The following CACNA1C variants were observed in gnomAD, a reference collection of about 807,000 sequenced individuals.
CACNA1C encodes calcium voltage-gated channel subunit alpha1 C.
A neutral mutation model predicts 229.0 loss-of-function variants in CACNA1C; 30 were observed. That is an observed-to-expected ratio of 0.13 (90% confidence interval 0.10 to 0.18). CACNA1C has a LOEUF of 0.18. CACNA1C is among the 10% of genes least tolerant of loss of function. The probability of loss-of-function intolerance (pLI) is 1.00; values close to 1 mark genes in which losing one functional copy is unlikely to be tolerated. For synonymous variants in CACNA1C, 1,114 were observed against 1,132.5 expected, an observed-to-expected ratio of 0.98 and a Z score of 0.33; for missense variants, 1,658 against 2,845.0, an observed-to-expected ratio of 0.58 and a Z score of 9.49.
intron 3 of CACNA1C, among the ~76,000 whole-genome samples, chr12:2,138,491 C>T (rs2047302182): frequency 6.6e-6 from 1 of 151,084 alleles, no homozygotes; most frequent in South Asian, 2.1e-4. Context: ...TAGGGACGGG[C>T]CTTGTGGGAG....
At chr12:2,264,041 A>C (rs1446049629) in intron 3 of CACNA1C, among the ~76,000 whole-genome samples, 2 of 152,234 alleles carry the variant, frequency 1.3e-5, no homozygotes, top group African/African-American at 4.8e-5. Context: ...AGAGCAGCAG[A>C]GTAGCCTGGG....
intron 5 of CACNA1C, among the ~76,000 whole-genome samples, chr12:2,462,910 A>AT (rs147569410): frequency 0.24 from 29,586 of 120,962 alleles, 4,150 homozygotes; most frequent in Non-Finnish European, 0.29. Context: ...CAAAAGTTGC[A>AT]TTTTTTTTTT....
At chr12:2,256,071 T>TGACTAGTTTACAATCACA (rs1566709880) in intron 3 of CACNA1C, among the ~76,000 whole-genome samples, 2 of 152,252 alleles carry the variant, frequency 1.3e-5, no homozygotes, top group Admixed American at 6.5e-5. Context: ...GATCCTGACC[T>TGACTAGTTTACAATCACA]TACTAGTTTA....
At chr12:2,251,096 C>T (rs572197177) in intron 3 of CACNA1C, among the ~76,000 whole-genome samples, 1 of 152,324 alleles carries the variant, frequency 6.6e-6, no homozygotes, top group South Asian at 2.1e-4. Flanking sequence ...GGATGTGTGT[C>T]TGCTCATATG....
chr12:2,493,156 G>C lies in CACNA1C; in HGVS notation c.917-34G>C. 1 of 1,579,630 alleles carries C rather than the reference G, an allele frequency of 6.3e-7. No homozygotes were observed. The highest frequency in any genetic ancestry group is 8.7e-7 in the Non-Finnish European group (1 of 1,149,572). The stretch of plus-strand genomic sequence containing the variant: ...CTGCCCACATCTCTCCCTCCCTGCT[G>C]CTCCCGTCTCCTGTCTTCTTCTGGC... On this transcript the variant is annotated intron_variant, in intron 6 of 46. Coordinates refer to ENST00000399655, the MANE Select transcript of CACNA1C (RefSeq NM_000719.7). This position sits in a 1 kb window ranked among gnomAD's most constrained non-coding sequence, Gnocchi z 4.6.
At chr12:2,682,088 T>C (rs2097177171) in intron 42 of CACNA1C, 3 of 1,249,976 alleles carry the variant, frequency 2.4e-6, no homozygotes. Context: ...TACCCCAGGG[T>C]GCCAGTGTCA....
rs1414549887 is a variant in CACNA1C, at chr12:2,138,688, C to CTCCCCT, written c.477+18267_477+18272dup. On this transcript the variant is annotated intron_variant, in intron 3 of 46. Coordinates refer to ENST00000399655, the MANE Select transcript of CACNA1C (RefSeq NM_000719.7). ...CATGGTCTTTCAGCCACACGCCGGG[C>CTCCCCT]TCCCCTTCCCCTTCTGCCATGAGTG... Among the ~76,000 whole-genome samples, 3 of 151,112 alleles carry CTCCCCT rather than the reference C, an allele frequency of 2.0e-5. 1 individual carries two copies. Among genetic ancestry groups the CTCCCCT allele is most frequent in the Non-Finnish European group, 4.4e-5 (3 of 67,560 alleles).
At chr12:2,021,432 A>C (rs541598382) in intron 1 of CACNA1C, among the ~76,000 whole-genome samples, 2 of 152,258 alleles carry the variant, frequency 1.3e-5, no homozygotes, top group Non-Finnish European at 2.9e-5. Flanking sequence ...TAATCCCAGC[A>C]CTTTGGGGGG....
At chr12:2,441,454 T>G (rs2099225413) in intron 3 of CACNA1C, among the ~76,000 whole-genome samples, 1 of 152,192 alleles carries the variant, frequency 6.6e-6, no homozygotes, top group Admixed American at 6.5e-5. Context: ...GGAGGGTGTT[T>G]TGTTATAAAG....
chr12:2,547,334 G>T (rs1044541128), intron 9 of CACNA1C: 5 of 659,012 alleles, frequency 7.6e-6, no homozygotes, highest in Non-Finnish European at 1.1e-5. Context: ...GATAAAAATG[G>T]ATGTTCTATG....
chr12:2,644,059 T>C (rs977871199), intron 30 of CACNA1C, among the ~76,000 whole-genome samples: 4 of 152,166 alleles, frequency 2.6e-5, no homozygotes, highest in Non-Finnish European at 4.4e-5. Context: ...CCTCCCTAAG[T>C]TCTGGACAAG....
chr12:2,257,191 G>A (rs1347557973), intron 3 of CACNA1C, among the ~76,000 whole-genome samples: 1 of 152,130 alleles, frequency 6.6e-6, no homozygotes, highest in African/African-American at 2.4e-5. Context: ...CGGAAGTTGT[G>A]ACTATCACTT....
intron 3 of CACNA1C, among the ~76,000 whole-genome samples, chr12:2,274,018 C>T (rs914158253): frequency 6.6e-5 from 10 of 152,334 alleles, no homozygotes; most frequent in South Asian, 2.1e-4. Flanking sequence ...CTGTCCAGCA[C>T]GCGGCAGGAG....
chr12:2,204,961 AAAAC>A (rs1489255389), intron 3 of CACNA1C, among the ~76,000 whole-genome samples: 2 of 152,014 alleles, frequency 1.3e-5, no homozygotes, highest in African/African-American at 2.4e-5. Flanking sequence ...TTAATTAAAA[AAAAC>A]AAAAACAAAA....
intron 3 of CACNA1C, among the ~76,000 whole-genome samples, chr12:2,445,427 G>A (rs2099268001): frequency 6.6e-6 from 1 of 152,216 alleles, no homozygotes; most frequent in Admixed American, 6.5e-5. Flanking sequence ...TTGAGTTAAT[G>A]TTGGATTGAA....
chr12:2,455,878 A>G (rs1395596500), intron 4 of CACNA1C, among the ~76,000 whole-genome samples: 1 of 152,008 alleles, frequency 6.6e-6, no homozygotes, highest in East Asian at 1.9e-4. Flanking sequence ...TGACCCCTCA[A>G]TGTGGGAGCA....
Position 2,605,277 on chromosome 12 carries a change from G to T in CACNA1C, c.3048+109G>T. On this transcript the variant is annotated intron_variant, in intron 23 of 46. Transcript: ENST00000399655. This position sits in a 1 kb window ranked among gnomAD's most constrained non-coding sequence, Gnocchi z 6.2. The stretch of plus-strand genomic sequence containing the variant: ...GAGATGATGGTCAGACCAAGTGGCT[G>T]CCATGTGGGGTCCCGGACACTGGTC... 1 of 727,584 alleles carries T rather than the reference G, an allele frequency of 1.4e-6. No individual in the cohort carries two copies. The highest frequency in any genetic ancestry group is 2.4e-6 in the Non-Finnish European group (1 of 412,408). 45.1% of individuals were successfully genotyped at this position (727,584 alleles called of 1,614,324 possible).
At chr12:2,100,343 G>A (rs1289854910) in intron 1 of CACNA1C, among the ~76,000 whole-genome samples, 8 of 151,560 alleles carry the variant, frequency 5.3e-5, no homozygotes, top group African/African-American at 1.2e-4. Context: ...CTACTTGGGA[G>A]GCTGAGGAAG....
chr12:2,069,172 A>T (rs1431894367), intron 1 of CACNA1C, among the ~76,000 whole-genome samples: 1 of 152,230 alleles, frequency 6.6e-6, no homozygotes, highest in Non-Finnish European at 1.5e-5. Context: ...ACCTGTAGAC[A>T]TCACAGCCTG....
Sources: gnomAD v4.1 joint callset for allele counts (sites outside exome capture counted in the v4.1 genomes callset) on GRCh38, gnomAD v4.1.1 for gene constraint, Gnocchi (gnomAD v3.1) non-coding constraint, MANE v1.5 for transcripts, NCBI Gene and HGNC (gene_info 2026-07-23, HGNC 2026-07-21) for gene names.